UGDH: variants seen among roughly 807,000 people sequenced by gnomAD.
UGDH encodes UDP-Glc dehydrogenase.
In UGDH, 38 loss-of-function variants were observed where a neutral mutation model predicts 50.6. That is an observed-to-expected ratio of 0.75 (90% confidence interval 0.58 to 0.98). The LOEUF (loss-of-function observed/expected upper bound fraction) is 0.98, where lower values mean the gene tolerates loss of function less well. Ranked by LOEUF, UGDH falls within the 50% of genes least tolerant of loss-of-function variation. UGDH has a pLI of 0.00. For missense variants in UGDH, 465 were observed against 606.2 expected (o/e 0.77, Z 2.45); for synonymous variants, 168 against 199.9 (o/e 0.84, Z 1.35).
chr4:39,517,998 G>A lies in UGDH; in HGVS notation c.162+3353C>T, dbSNP rs145912353. 3.0e-3 allele frequency among the ~76,000 whole-genome samples: 455 copies of A among 152,108 alleles called. 1 individual carries two copies. Among genetic ancestry groups the A allele is most frequent in the East Asian group, 6.4e-3 (33 of 5,174 alleles). ...CGCTGGAGTGCAGTGGTGCAAACTC[G>A]GCTCACTGCAACCTCCCCCACCCAG... is the stretch of plus-strand genomic sequence containing the variant. On this transcript the variant is annotated intron_variant, in intron 2 of 11. Coordinates refer to ENST00000316423, the MANE Select transcript of UGDH (RefSeq NM_003359.4).
intron 6 of UGDH, among the ~76,000 whole-genome samples, chr4:39,508,919 CT>C (rs1278941954): frequency 6.8e-6 from 1 of 146,668 alleles, no homozygotes; most frequent in African/African-American, 2.5e-5. Flanking sequence ...CTTTTATCTC[CT>C]TTTTTTTCTC....
intron 7 of UGDH, among the ~76,000 whole-genome samples, chr4:39,507,107 A>G (rs1259477134): frequency 6.6e-6 from 1 of 152,236 alleles, no homozygotes; most frequent in Non-Finnish European, 1.5e-5. Context: ...AAAGGCACAT[A>G]TACCGACTAG....
chr4:39,527,002 C>T, intron 1 of UGDH: 1 of 1,289,038 alleles, frequency 7.8e-7, no homozygotes, highest in African/African-American at 1.5e-5. Context: ...AAATCTCATC[C>T]AAGTCAGGAA....
chr4:39,527,237 G>T (rs1374911277), intron 1 of UGDH, 46 bp downstream of exon 1: 2 of 802,948 alleles, frequency 2.5e-6, no homozygotes, highest in Non-Finnish European at 3.4e-6. Context: ...CCAGACCTGG[G>T]AGCATCCCGC....
intron 10 of UGDH, among the ~76,000 whole-genome samples, 171 bp downstream of exon 10, chr4:39,504,246 T>A (rs1745939605): frequency 1.3e-5 from 2 of 151,438 alleles, no homozygotes; most frequent in South Asian, 4.2e-4. Context: ...AGGCAGAGCT[T>A]GCAGTGAGCC....
In UGDH at chr4:39,500,102, CAAAA is replaced by C. The variant is rs56814765; in HGVS notation, c.*37_*40del. ...ATAGATATTTGCTATCCTGAAGTAC[CAAAA>C]AAAAAAAAAAAAAATCACAAATAAA... is the stretch of plus-strand genomic sequence containing the variant. On this transcript the variant is annotated 3_prime_UTR_variant, in exon 12 of 12. Coordinates refer to ENST00000316423, the MANE Select transcript of UGDH (RefSeq NM_003359.4). The C allele has an allele frequency of 0.081, 84,345 of 1,044,184 alleles. 32 individuals carry two copies. The highest frequency in any genetic ancestry group is 0.1 in the South Asian group (5,671 of 55,506). 64.7% of individuals were successfully genotyped at this position (1,044,184 alleles called of 1,614,324 possible). A position where few individuals can be genotyped will look rare whatever the true frequency, so the allele number is the denominator to read the frequency against.
chr4:39,503,735 T>G, intron 11 of UGDH, 140 bp downstream of exon 11: 1 of 599,726 alleles, frequency 1.7e-6, no homozygotes, highest in Admixed American at 3.6e-5. Context: ...AAAGAAGGTA[T>G]CATCTTAATT....
At chr4:39,513,771 G>A (rs1746338314) in intron 3 of UGDH, among the ~76,000 whole-genome samples, 1 of 151,838 alleles carries the variant, frequency 6.6e-6, no homozygotes, top group Admixed American at 6.6e-5. Flanking sequence ...TCTTGACCTT[G>A]TGATCTGCCC....
rs113565151 is a variant in UGDH, at chr4:39,510,857, T to C, written c.269A>G (p.Asn90Ser). The C allele has an allele frequency of 6.2e-7, 1 of 1,614,180 alleles. No individual in the cohort carries two copies. The highest frequency in any genetic ancestry group is 1.7e-5 in the Admixed American group (1 of 60,020). ...CATTCCATAGGTTTTTGTTGGAGTATTCACCTGATGTAAGTATATGGGATA... is the reference window on the plus strand; with the variant it reads ...CATTCCATAGGTTTTTGTTGGAGTACTCACCTGATGTAAGTATATGGGATA... Reference protein sequence around the residue: ...KEADLVFISVNTPTKTYGMGK... With the variant: ...KEADLVFISVSTPTKTYGMGK... Residue 90 changes from asparagine (N) to serine (S), a missense_variant, in exon 4 of 12, where the codon AAT (asparagine) becomes AGT (serine). Physicochemically the swap from Asn to Ser is conservative, Grantham distance 46 (BLOSUM62 1). Coordinates refer to ENST00000316423, the MANE Select transcript of UGDH (RefSeq NM_003359.4).
At chr4:39,515,665 A>G (rs541321663) in intron 2 of UGDH, among the ~76,000 whole-genome samples, 4 of 152,290 alleles carry the variant, frequency 2.6e-5, no homozygotes, top group African/African-American at 9.6e-5. Context: ...GAATAAGTTG[A>G]AAAACTCCAA....
chr4:39,510,238 CT>C (rs1578269621), intron 5 of UGDH, 114 bp downstream of exon 5: 1 of 1,072,388 alleles, frequency 9.3e-7, no homozygotes, highest in South Asian at 1.6e-5. Context: ...AGAATATGAT[CT>C]TCAAAAGCAT....
Position 39,509,800 on chromosome 4 carries a change from C to A in UGDH, c.771G>T (p.Met257Ile). 6.2e-7 allele frequency: 1 copy of A among 1,612,754 alleles called. No homozygotes were observed. Reference sequence around the variant, plus strand: ...GAAACTTGTTTCCAATTCTCTGGTCCATTCCAATCGCTGTTGCTACCTCTT... The same window carrying A: ...GAAACTTGTTTCCAATTCTCTGGTCAATTCCAATCGCTGTTGCTACCTCTT... ...DVEEVATAIG[M>I]DQRIGNKFLK... is the part of the protein sequence containing the mutation. The change falls in exon 6 of 12, where the codon ATG (methionine) becomes ATT (isoleucine). Residue 257 changes from methionine to isoleucine, a missense_variant. By Grantham distance (10) the Met-to-Ile change is conservative. Transcript: ENST00000316423.
rs986089150 is a variant in UGDH, at chr4:39,513,974, A to G, written c.264+109T>C. The G allele has an allele frequency of 3.3e-6, 3 of 907,100 alleles. No homozygotes were observed. In the African/African-American group the frequency reaches 5.2e-5, roughly 16 times the overall value. 56.2% of individuals were successfully genotyped at this position (907,100 alleles called of 1,614,324 possible). ...ACCAAAATTCACCGGACAACTCTAT[A>G]CTAAGCAATGTTGAGGCTTAATACC... On this transcript the variant is annotated intron_variant, in intron 3 of 11. Coordinates refer to ENST00000316423, the MANE Select transcript of UGDH (RefSeq NM_003359.4).
intron 2 of UGDH, 27 bp downstream of exon 2, chr4:39,521,324 A>T (rs951902773): frequency 6.4e-7 from 1 of 1,564,884 alleles, no homozygotes; most frequent in South Asian, 1.2e-5. Context: ...AAAAGCATAA[A>T]AACAAAGAGA....
chr4:39,521,633 G>A, intron 1 of UGDH, 114 bp from the exon 2 acceptor site: 1 of 859,600 alleles, frequency 1.2e-6, no homozygotes. Context: ...TATCTGGAAA[G>A]ATTTCCTACA....
chr4:39,521,546 T>C (rs890067433), intron 1 of UGDH, 27 bp from the exon 2 acceptor site: 1 of 1,484,166 alleles, frequency 6.7e-7, no homozygotes, highest in Non-Finnish European at 9.0e-7. Flanking sequence ...AAGACTGTTC[T>C]AGTATTGAAA....
intron 2 of UGDH, among the ~76,000 whole-genome samples, chr4:39,517,924 TTTTG>T (rs143146546): frequency 0.072 from 11,006 of 152,150 alleles, 460 homozygotes; most frequent in Middle Eastern, 0.16. Context: ...TAGCCATTCT[TTTTG>T]TTTGTTTGTT....
intron 3 of UGDH, 97 bp downstream of exon 3, chr4:39,513,986 T>G: frequency 9.6e-6 from 10 of 1,041,514 alleles, no homozygotes; most frequent in Non-Finnish European, 1.3e-5. Context: ...TAAGCAATGT[T>G]GAGGCTTAAT....
intron 3 of UGDH, among the ~76,000 whole-genome samples, chr4:39,513,163 A>AT (rs748113013): frequency 6.6e-6 from 1 of 152,198 alleles, no homozygotes; most frequent in African/African-American, 2.4e-5. Context: ...GGTGATAGCT[A>AT]TATCATTACA....
Sources: allele counts gnomAD v4.1 joint callset (sites outside exome capture counted in the v4.1 genomes callset), GRCh38; gene constraint gnomAD v4.1.1; transcripts MANE v1.5; gene names NCBI Gene and HGNC (gene_info 2026-07-23, HGNC 2026-07-21).